KLF8: variants seen among roughly 807,000 people sequenced by gnomAD.
KLF8 encodes Krueppel-like factor 8.
A neutral mutation model predicts 18.2 loss-of-function variants in KLF8; 10 were observed. The ratio of observed to expected loss-of-function variants is 0.55; its 90% CI spans 0.34 to 0.93. The LOEUF (loss-of-function observed/expected upper bound fraction) is 0.93, where lower values mean the gene tolerates loss of function less well. Among genes scored for constraint, KLF8 ranks in the 40% least tolerant of loss-of-function variants. The pLI is 0.02. For missense variants in KLF8, 264 were observed against 277.9 expected, an observed-to-expected ratio of 0.95 and a Z score of 0.36; for synonymous variants, 109 against 97.3, an observed-to-expected ratio of 1.12 and a Z score of -0.71.
chrX:55,927,722 GTTCA>G, the KLF8 span, among the ~76,000 whole-genome samples: 2 of 111,832 alleles, frequency 1.8e-5, no homozygotes, highest in Admixed American at 9.5e-5. Flanking sequence ...TGAAAGATCT[GTTCA>G]TTCATTTGCC....
the KLF8 span, among the ~76,000 whole-genome samples, chrX:56,016,325 A>G: frequency 8.9e-6 from 1 of 112,472 alleles, no homozygotes; most frequent in East Asian, 2.8e-4. Context: ...ATCAAAATTG[A>G]GATTCCCAAT....
the KLF8 span, among the ~76,000 whole-genome samples, chrX:56,205,901 A>G: frequency 1.1e-3 from 122 of 111,652 alleles, 1 homozygote; most frequent in Non-Finnish European, 2.0e-3. Flanking sequence ...ATAAAGACAT[A>G]CCCAAGACTG....
At chrX:55,960,986 G>A in the KLF8 span, among the ~76,000 whole-genome samples, 1 of 111,649 alleles carries the variant, frequency 9.0e-6, no homozygotes, top group Admixed American at 9.5e-5. Flanking sequence ...GTAAGGGAAT[G>A]GAGATAGGTT....
the KLF8 span, among the ~76,000 whole-genome samples, chrX:56,175,129 C>T: frequency 3.9e-3 from 433 of 110,756 alleles, no homozygotes; most frequent in African/African-American, 0.013. Flanking sequence ...TATTTCTTGC[C>T]TTCTGCTAGC....
chrX:56,172,252 C>A, the KLF8 span, among the ~76,000 whole-genome samples: 1 of 110,905 alleles, frequency 9.0e-6, no homozygotes, highest in African/African-American at 3.3e-5. Context: ...TGCTATCCCT[C>A]TCCTTTCCCA....
At chrX:55,976,769 G>T in the KLF8 span, among the ~76,000 whole-genome samples, 1 of 111,448 alleles carries the variant, frequency 9.0e-6, no homozygotes, top group Admixed American at 9.6e-5. Flanking sequence ...ATGGACATGG[G>T]ATATCTTTCC....
intron 1 of KLF8, among the ~76,000 whole-genome samples, chrX:56,236,848 T>TTGTG (rs3052510): frequency 0.031 from 2,922 of 95,021 alleles, 99 homozygotes; most frequent in African/African-American, 0.097. Context: ...ATGAGTATGT[T>TTGTG]TGTGTGTGTG....
chrX:56,127,470 A>G, the KLF8 span, among the ~76,000 whole-genome samples: 148 of 110,653 alleles, frequency 1.3e-3, 1 homozygote, highest in Non-Finnish European at 2.5e-3. Context: ...AGACCAGTCT[A>G]GGCAACATGG....
chrX:56,271,008 A>ACT, intron 5 of KLF8, among the ~76,000 whole-genome samples: 1 of 112,364 alleles, frequency 8.9e-6, no homozygotes, highest in Non-Finnish European at 1.9e-5. Context: ...ATAACAATAC[A>ACT]ACAATAAAAA....
the KLF8 span, among the ~76,000 whole-genome samples, chrX:56,018,014 C>G: frequency 6.3e-5 from 7 of 111,758 alleles, no homozygotes; most frequent in Admixed American, 6.7e-4. Flanking sequence ...TCATCTCAAG[C>G]ACTTATCATT....
At chrX:55,994,119 C>G in the KLF8 span, among the ~76,000 whole-genome samples, 9 of 109,929 alleles carry the variant, frequency 8.2e-5, no homozygotes, top group African/African-American at 3.0e-4. Context: ...ACCGCGTTAG[C>G]CAGGGTGGTC....
the KLF8 span, among the ~76,000 whole-genome samples, chrX:55,987,000 C>A: frequency 1.8e-5 from 2 of 110,811 alleles, no homozygotes; most frequent in African/African-American, 6.6e-5. Context: ...TATATATGTA[C>A]CATATTTTCT....
intron 1 of KLF8, among the ~76,000 whole-genome samples, chrX:56,244,430 C>T (rs2066595149): frequency 9.0e-6 from 1 of 111,288 alleles, no homozygotes; most frequent in African/African-American, 3.3e-5. Flanking sequence ...TCAAGTTATC[C>T]TCCCGCCTTG....
chrX:56,251,920 C>G (rs1293508564), intron 2 of KLF8, among the ~76,000 whole-genome samples: 1 of 111,862 alleles, frequency 8.9e-6, no homozygotes, highest in Non-Finnish European at 1.9e-5. Context: ...TGCAATTACA[C>G]TCTTTTAGAT....
At chrX:55,989,139 C>T in the KLF8 span, among the ~76,000 whole-genome samples, 1 of 111,849 alleles carries the variant, frequency 8.9e-6, no homozygotes, top group Non-Finnish European at 1.9e-5. Context: ...ACAAACATGT[C>T]GTCTGCAAAC....
the KLF8 span, among the ~76,000 whole-genome samples, chrX:56,062,929 A>T: frequency 1.2e-4 from 13 of 109,742 alleles, no homozygotes; most frequent in South Asian, 5.1e-3. Flanking sequence ...TCAATCTCTG[A>T]TATCCTTTCT....
At chrX:56,058,269 C>CATATATATATACATATATATAT in the KLF8 span, among the ~76,000 whole-genome samples, 2 of 15,959 alleles carry the variant, frequency 1.3e-4, no homozygotes, top group African/African-American at 4.2e-4. Flanking sequence ...CATATATATA[C>CATATATATATACATATATATAT]ATATATATAC....
At chrX:56,078,828 T>C in the KLF8 span, among the ~76,000 whole-genome samples, 1 of 111,317 alleles carries the variant, frequency 9.0e-6, no homozygotes, top group South Asian at 3.8e-4. Context: ...GAGCCTGTTA[T>C]TGGTCTATTC....
chrX:56,007,903 G>T, the KLF8 span, among the ~76,000 whole-genome samples: 1 of 110,365 alleles, frequency 9.1e-6, no homozygotes, highest in Non-Finnish European at 1.9e-5. Flanking sequence ...CATGGCAAAT[G>T]TTTACCTGTG....
Sources: gnomAD v4.1 joint callset for allele counts (sites outside exome capture counted in the v4.1 genomes callset) on GRCh38, gnomAD v4.1.1 for gene constraint, MANE v1.5 for transcripts, NCBI Gene and HGNC (gene_info 2026-07-23, HGNC 2026-07-21) for gene names.